The following ARFGEF2 variants were observed in gnomAD, a reference collection of about 807,000 sequenced individuals.
ARFGEF2 encodes brefeldin A-inhibited guanine nucleotide-exchange protein 2.
ARFGEF2 carries 74 observed loss-of-function variants against 219.9 expected under a neutral mutation model. The ratio of observed to expected loss-of-function variants is 0.34; its 90% CI spans 0.28 to 0.41. ARFGEF2 has a LOEUF of 0.41. Among genes scored for constraint, ARFGEF2 ranks in the 10% least tolerant of loss-of-function variants. The pLI is 1.00. For missense variants in ARFGEF2, 1,743 were observed against 2,218.3 expected (o/e 0.79, Z 4.30); for synonymous variants, 733 against 799.2 (o/e 0.92, Z 1.40).
chr20:49,005,161 C>G lies in ARFGEF2; in HGVS notation c.3524C>G (p.Ala1175Gly), dbSNP rs563646954. The change falls in exon 26 of 39, where the codon GCC becomes GGC. Residue 1175 changes from alanine (A) to glycine (G), a missense_variant. By Grantham distance (60) the Ala-to-Gly change is moderately conservative. This residue lies in a region of ARFGEF2 where 102 missense variants were observed against 146.8 expected (regional missense o/e 0.69). Coordinates refer to ENST00000371917, the MANE Select transcript of ARFGEF2 (RefSeq NM_006420.3). Reference protein sequence around the residue: ...SMKFLEKGELANFRFQKDFLR... With the variant: ...SMKFLEKGELGNFRFQKDFLR... Reference sequence around the variant, plus strand: ...AAGTTTCTTGAGAAGGGTGAATTAGCCAACTTCCGTTTCCAGAAAGATTTT... The same window carrying G: ...AAGTTTCTTGAGAAGGGTGAATTAGGCAACTTCCGTTTCCAGAAAGATTTT... 6.2e-7 allele frequency: 1 copy of G among 1,614,170 alleles called. No homozygotes were observed. The highest frequency in any genetic ancestry group is 8.5e-7 in the Non-Finnish European group (1 of 1,180,042).
chr20:48,926,856 G>A (rs1398032566), intron 1 of ARFGEF2, among the ~76,000 whole-genome samples: 1 of 152,168 alleles, frequency 6.6e-6, no homozygotes, highest in African/African-American at 2.4e-5. Flanking sequence ...CAGCTGGGTG[G>A]GGAAACGTAG....
chr20:48,946,330 C>T (rs985852152), intron 3 of ARFGEF2, among the ~76,000 whole-genome samples: 2 of 152,046 alleles, frequency 1.3e-5, no homozygotes, highest in African/African-American at 4.8e-5. Context: ...TTGCTTCTAC[C>T]AGGTGAAAAA....
At chr20:49,007,900 G>A (rs534213216) in intron 26 of ARFGEF2, among the ~76,000 whole-genome samples, 13 of 152,074 alleles carry the variant, frequency 8.5e-5, no homozygotes, top group Admixed American at 3.9e-4. Flanking sequence ...CTAATTGCAC[G>A]GAAGCCCTCA....
chr20:48,953,002 T>C (rs961983099), intron 5 of ARFGEF2, 118 bp downstream of exon 5: 5 of 1,051,114 alleles, frequency 4.8e-6, no homozygotes, highest in African/African-American at 3.1e-5. Flanking sequence ...CTTCTTCCTG[T>C]GGATTCTCTG....
At chr20:48,974,705 T>A in intron 12 of ARFGEF2, 61 bp from the exon 13 acceptor site, 1 of 1,376,736 alleles carries the variant, frequency 7.3e-7, no homozygotes, top group Non-Finnish European at 1.0e-6. Context: ...GAAAGCCTCG[T>A]AGATGTCTGT....
Position 49,036,524 on chromosome 20 carries a change from TA to T in ARFGEF2, c.*3327del. The stretch of plus-strand genomic sequence containing the variant: ...TTAAGTGCATTTAATATTGGTAATT[TA>T]ATGAAAACCATTCCTTGCCCAATGG... On this transcript the variant is annotated 3_prime_UTR_variant, in exon 39 of 39. Coordinates refer to ENST00000371917, the MANE Select transcript of ARFGEF2 (RefSeq NM_006420.3). The T allele has an allele frequency of 3.2e-6, 1 of 309,918 alleles. No homozygotes were observed. Among genetic ancestry groups the T allele is most frequent in the Non-Finnish European group, 5.8e-6 (1 of 171,782 alleles). The allele number at this position is 309,918 out of a possible 1,614,324, so 19.2% of individuals were successfully genotyped here. A position where few individuals can be genotyped will look rare whatever the true frequency, so the allele number is the denominator to read the frequency against.
In ARFGEF2 at chr20:48,973,182, C is replaced by T; in HGVS notation, c.1563C>T (p.Asp521=). The change falls in exon 12 of 39, where the codon GAC becomes GAT. Residue 521 remains aspartate (D), a synonymous_variant. Coordinates refer to ENST00000371917, the MANE Select transcript of ARFGEF2 (RefSeq NM_006420.3). Reference sequence around the variant, plus strand: ...TTGTGGATATTTATGTCAACTACGACTGTGATTTAAATGCTGCTAACATTT... The same window carrying T: ...TTGTGGATATTTATGTCAACTACGATTGTGATTTAAATGCTGCTAACATTT... ...QCVVDIYVNY[D]CDLNAANIFE... 1 of 1,614,118 alleles carries T rather than the reference C, an allele frequency of 6.2e-7. No individual in the cohort carries two copies. The highest frequency in any genetic ancestry group is 2.2e-5 in the East Asian group (1 of 44,868).
rs1568749676 is a variant in ARFGEF2, at chr20:49,033,473, A to G, written c.*274A>G. 2 of 449,188 alleles carry G rather than the reference A, an allele frequency of 4.5e-6. No homozygotes were observed. Among genetic ancestry groups the G allele is most frequent in the East Asian group, 3.8e-5 (1 of 25,984 alleles). 27.8% of individuals were successfully genotyped at this position (449,188 alleles called of 1,614,324 possible). ...TTCTGATTAAACTGTCAAATCTGTC[A>G]TTGCATATGCCATCGTTTTCTAGCA... On this transcript the variant is annotated 3_prime_UTR_variant, in exon 39 of 39. Transcript: ENST00000371917.
chr20:48,952,562 T>C lies in ARFGEF2; in HGVS notation c.424-143T>C, dbSNP rs994493976. ...TCTTCATAATAATCACCTAGTTTAATTTGCAGAGCCATCTTACAATTTATT... is the reference window on the plus strand; with the variant it reads ...TCTTCATAATAATCACCTAGTTTAACTTGCAGAGCCATCTTACAATTTATT... On this transcript the variant is annotated intron_variant, in intron 4 of 38. Transcript: ENST00000371917. 31 of 794,564 alleles carry C rather than the reference T, an allele frequency of 3.9e-5. No homozygotes were observed. In the East Asian group the frequency reaches 7.1e-4, roughly 18 times the overall value. The allele number at this position is 794,564 out of a possible 1,614,324, so 49.2% of individuals were successfully genotyped here. A position where few individuals can be genotyped will look rare whatever the true frequency, so the allele number is the denominator to read the frequency against.
intron 15 of ARFGEF2, 50 bp from the exon 16 acceptor site, chr20:48,985,358 A>AG (rs1440231033): frequency 7.5e-6 from 12 of 1,598,212 alleles, no homozygotes; most frequent in Non-Finnish European, 1.0e-5. Context: ...GCTTTTGCTG[A>AG]GGGTTCGTAT....
At chr20:49,025,058 T>C (rs2091593523) in intron 35 of ARFGEF2, among the ~76,000 whole-genome samples, 1 of 152,210 alleles carries the variant, frequency 6.6e-6, no homozygotes, top group South Asian at 2.1e-4. Flanking sequence ...ACACTCCTGC[T>C]TATGCAGTGG....
chr20:48,932,080 G>C (rs771591973), intron 1 of ARFGEF2, among the ~76,000 whole-genome samples: 1 of 152,122 alleles, frequency 6.6e-6, no homozygotes, highest in Non-Finnish European at 1.5e-5. Flanking sequence ...GGTAAGAAGG[G>C]ATCAGGTTCT....
chr20:49,012,105 C>T, intron 28 of ARFGEF2, 21 bp downstream of exon 28: 2 of 1,614,126 alleles, frequency 1.2e-6, no homozygotes, highest in East Asian at 4.5e-5. Context: ...CCCCACCTTA[C>T]TCAGATGGGC....
At position 48,951,433 on chromosome 20, in the gene ARFGEF2, T is replaced by C. The variant is rs1568699947; in HGVS notation, c.387T>C (p.Pro129=). ...CCATTTGCAGTTGTTTTCAGGGCCCTCAGACTGATGAAGGGGTTCAGTTAC... is the reference window on the plus strand; with the variant it reads ...CCATTTGCAGTTGTTTTCAGGGCCCCCAGACTGATGAAGGGGTTCAGTTAC... The part of the protein sequence containing the change: ...VETICSCFQG[P]QTDEGVQLQI... Residue 129 remains proline (P), a synonymous_variant, in exon 4 of 39, where the codon CCT becomes CCC. Transcript: ENST00000371917. The C allele has an allele frequency of 1.2e-6, 2 of 1,614,228 alleles. No homozygotes were observed. The highest frequency in any genetic ancestry group is 4.5e-5 in the East Asian group (2 of 44,882).
At chr20:48,975,933 G>A in intron 13 of ARFGEF2, 83 bp from the exon 14 acceptor site, 1 of 1,362,554 alleles carries the variant, frequency 7.3e-7, no homozygotes, top group Middle Eastern at 2.5e-4. Context: ...GTTTGGGAAA[G>A]GGAGCCGTGC....
Position 48,972,369 on chromosome 20 carries a change from C to G in ARFGEF2, c.1469C>G (p.Thr490Arg). The change falls in exon 11 of 39, where the codon ACA becomes AGA. Residue 490 changes from threonine (T) to arginine (R), a missense_variant. Around this residue, in one of 5 missense-constraint regions of ARFGEF2, gnomAD observed 666 missense variants for 955.4 expected, o/e 0.70. Coordinates refer to ENST00000371917, the MANE Select transcript of ARFGEF2 (RefSeq NM_006420.3). ...TTCCTGAACATTTTAGAAACATCAA[C>G]AAGTTCTTTTGAGCACAGGTGGATG... ...EIFLNILETS[T>R]SSFEHRWMVI... is the part of the protein sequence containing the mutation. 6.2e-7 allele frequency: 1 copy of G among 1,614,112 alleles called. No individual in the cohort carries two copies. Among genetic ancestry groups the G allele is most frequent in the Admixed American group, 1.7e-5 (1 of 60,020 alleles).
intron 8 of ARFGEF2, among the ~76,000 whole-genome samples, chr20:48,968,407 A>G (rs1005909967): frequency 6.6e-6 from 1 of 150,772 alleles, no homozygotes; most frequent in African/African-American, 2.4e-5. Context: ...CAATAGTTGC[A>G]ATAGTATTCT....
intron 12 of ARFGEF2, among the ~76,000 whole-genome samples, chr20:48,974,326 G>A (rs2091247371): frequency 6.6e-6 from 1 of 151,772 alleles, no homozygotes; most frequent in Non-Finnish European, 1.5e-5. Context: ...TGTCCAGGCT[G>A]GTCTTGAACT....
chr20:48,945,558 C>T (rs905185308), intron 3 of ARFGEF2, among the ~76,000 whole-genome samples: 1 of 152,248 alleles, frequency 6.6e-6, no homozygotes, highest in East Asian at 1.9e-4. Flanking sequence ...GTATGGTTAT[C>T]TCTCTTTTTA....
Sources: allele counts gnomAD v4.1 joint callset (sites outside exome capture counted in the v4.1 genomes callset), GRCh38; gene constraint gnomAD v4.1.1; regional missense constraint gnomAD v4.1.1; transcripts MANE v1.5; gene names NCBI Gene and HGNC (gene_info 2026-07-23, HGNC 2026-07-21).